DNMT1: variants seen among roughly 807,000 people sequenced by gnomAD.
The protein encoded by DNMT1 is DNA methyltransferase 1.
DNMT1 carries 24 observed loss-of-function variants against 205.3 expected under a neutral mutation model. The ratio of observed to expected loss-of-function variants is 0.12; its 90% CI spans 0.08 to 0.16. DNMT1 has a LOEUF of 0.16. Among genes scored for constraint, DNMT1 ranks in the 10% least tolerant of loss-of-function variants. The pLI is 1.00. For missense variants in DNMT1, 1,293 were observed against 2,177.7 expected, an observed-to-expected ratio of 0.59 and a Z score of 8.09; for synonymous variants, 817 against 839.8, an observed-to-expected ratio of 0.97 and a Z score of 0.47.
intron 39 of DNMT1, among the ~76,000 whole-genome samples, chr19:10,134,810 A>T (rs188076991): frequency 6.7e-6 from 1 of 149,074 alleles, no homozygotes; most frequent in East Asian, 2.0e-4. Flanking sequence ...GTGGGCAGAG[A>T]TCATGTCACT....
chr19:10,162,774 A>G, intron 12 of DNMT1, 26 bp from the exon 13 acceptor site: 1 of 1,612,506 alleles, frequency 6.2e-7, no homozygotes. Context: ...ATACACAGCA[A>G]GTAGCAGCTT....
At chr19:10,190,491 G>A (rs775246063) in intron 1 of DNMT1, among the ~76,000 whole-genome samples, 3 of 152,032 alleles carry the variant, frequency 2.0e-5, no homozygotes, top group Non-Finnish European at 2.9e-5. Context: ...GGCCAGGCAC[G>A]GTGGCTCATG....
intron 5 of DNMT1, 92 bp downstream of exon 5, chr19:10,180,095 C>A (rs2039015954): frequency 6.1e-6 from 3 of 494,390 alleles, no homozygotes; most frequent in Non-Finnish European, 1.1e-5. Flanking sequence ...AGGTGGATTA[C>A]TTGAGGTCAG....
intron 1 of DNMT1, 118 bp downstream of exon 1, chr19:10,194,702 C>T: frequency 2.9e-6 from 4 of 1,371,520 alleles, no homozygotes; most frequent in Non-Finnish European, 3.9e-6. Context: ...CGCCGCACCA[C>T]CCCACGCATG....
At chr19:10,165,149 T>C (rs2038661761) in intron 11 of DNMT1, among the ~76,000 whole-genome samples, 1 of 151,890 alleles carries the variant, frequency 6.6e-6, no homozygotes. Context: ...TGCCTGCCTA[T>C]AGTCCCAGCT....
At position 10,159,602 on chromosome 19, in the gene DNMT1, C is replaced by T; in HGVS notation, c.1280+56G>A. The T allele has an allele frequency of 1.3e-6, 2 of 1,564,158 alleles. No individual in the cohort carries two copies. Among genetic ancestry groups the T allele is most frequent in the South Asian group, 2.2e-5 (2 of 89,832 alleles). On this transcript the variant is annotated intron_variant, in intron 17 of 40. Coordinates refer to ENST00000359526, the MANE Select transcript of DNMT1 (RefSeq NM_001130823.3). The surrounding 1 kb of genome is among the most constrained non-coding windows in gnomAD (Gnocchi z 5.0). ...CACCAGAATCGTGAGCCCGCAGGCACCTCTGGGGATGTGCCTCCTTCCACG... is the reference window on the plus strand; with the variant it reads ...CACCAGAATCGTGAGCCCGCAGGCATCTCTGGGGATGTGCCTCCTTCCACG...
At chr19:10,141,241 T>A in intron 30 of DNMT1, 52 bp from the exon 31 acceptor site, 1 of 1,582,458 alleles carries the variant, frequency 6.3e-7, no homozygotes, top group Non-Finnish European at 8.7e-7. Context: ...CTGTCCCCTC[T>A]CTAACGCAGA....
At position 10,159,514 on chromosome 19, in the gene DNMT1, C is replaced by T. The variant is rs1179373388; in HGVS notation, c.1280+144G>A. ...ATGAGCCACCGCGCCCAGCCCTCCA[C>T]GGTGGCTCTTATCCACGAAGTGTTA... is the stretch of plus-strand genomic sequence containing the variant. On this transcript the variant is annotated intron_variant, in intron 17 of 40. Coordinates refer to ENST00000359526, the MANE Select transcript of DNMT1 (RefSeq NM_001130823.3). The surrounding 1 kb of genome is among the most constrained non-coding windows in gnomAD (Gnocchi z 5.0). 11 of 861,286 alleles carry T rather than the reference C, an allele frequency of 1.3e-5. No individual in the cohort carries two copies. Among genetic ancestry groups the T allele is most frequent in the African/African-American group, 3.3e-5 (2 of 60,098 alleles). The allele number at this position is 861,286 out of a possible 1,614,324, so 53.4% of individuals were successfully genotyped here.
rs2089512277 is a variant in DNMT1 at position 10,137,516 on chromosome 19, G to A, written c.4294-236C>T. The stretch of plus-strand genomic sequence containing the variant: ...CTGAGCCTTTAGGGTGGGGGAAGGG[G>A]AGTGGTGCCAGGGGATGGTGAAAGG... On this transcript the variant is annotated intron_variant, in intron 36 of 40. Transcript: ENST00000359526. The surrounding 1 kb of genome is among the most constrained non-coding windows in gnomAD (Gnocchi z 6.4). 4 of 640,310 alleles carry A rather than the reference G, an allele frequency of 6.2e-6. No individual in the cohort carries two copies. The South Asian group carries it at 7.7e-5, about 12-fold the overall frequency. 39.7% of individuals were successfully genotyped at this position (640,310 alleles called of 1,614,324 possible).
intron 30 of DNMT1, 137 bp downstream of exon 30, chr19:10,141,891 C>T: frequency 9.8e-7 from 1 of 1,023,842 alleles, no homozygotes; most frequent in Non-Finnish European, 1.4e-6. Flanking sequence ...TGCAGAACAG[C>T]TTCACGTCAG....
chr19:10,137,463 C>T lies in DNMT1; in HGVS notation c.4294-183G>A. On this transcript the variant is annotated intron_variant, in intron 36 of 40. Coordinates refer to ENST00000359526, the MANE Select transcript of DNMT1 (RefSeq NM_001130823.3). This position sits in a 1 kb window ranked among gnomAD's most constrained non-coding sequence, Gnocchi z 6.4. ...GCCACGGCAGGGACCTGAGGCAGCG[C>T]AGGTGTAGGAGAGCGTGGGAATCTA... The T allele has an allele frequency of 2.7e-6, 2 of 736,938 alleles. No individual in the cohort carries two copies. Among genetic ancestry groups the T allele is most frequent in the Non-Finnish European group, 4.4e-6 (2 of 449,752 alleles). The allele number at this position is 736,938 out of a possible 1,614,324, so 45.6% of individuals were successfully genotyped here. A position where few individuals can be genotyped will look rare whatever the true frequency, so the allele number is the denominator to read the frequency against.
rs116502459 is a variant in DNMT1, at chr19:10,159,917, G to A, written c.1095C>T (p.His365=). ...RAKTVMNSKT[H]PPKCIQCGQY... is the part of the protein sequence containing the mutation. The stretch of plus-strand genomic sequence containing the variant: ...GCCCGCACTGAATGCACTTGGGAGG[G>A]TGGGTCTGTGGGAGCAGGAACACAG... The change falls in exon 16 of 41, where the codon CAC becomes CAT. Residue 365 remains histidine (H), a synonymous_variant. Transcript: ENST00000359526. This position sits in a 1 kb window ranked among gnomAD's most constrained non-coding sequence, Gnocchi z 5.0. 1,884 of 1,614,212 alleles carry A rather than the reference G, an allele frequency of 1.2e-3. 18 individuals are homozygous for A. In the African/African-American group the frequency reaches 0.023, roughly 19 times the overall value.
Position 10,176,167 on chromosome 19 carries a change from C to CAA in DNMT1, c.570-551_570-550dup, listed in dbSNP as rs34858632. Among the ~76,000 whole-genome samples the CAA allele has an allele frequency of 1.4e-3, 185 of 134,578 alleles. 1 individual carries two copies. Among genetic ancestry groups the CAA allele is most frequent in the East Asian group, 0.011 (52 of 4,526 alleles). 88.3% of individuals were successfully genotyped at this position (134,578 alleles called of 152,430 possible). A position where few individuals can be genotyped will look rare whatever the true frequency, so the allele number is the denominator to read the frequency against. On this transcript the variant is annotated intron_variant, in intron 6 of 40. Coordinates refer to ENST00000359526, the MANE Select transcript of DNMT1 (RefSeq NM_001130823.3). Reference sequence around the variant, plus strand: ...TGGGCTACAGAGCAAGACTCCGTATCAAAAAAAAAAAAAAGTCAGTCTCAA... The same window carrying CAA: ...TGGGCTACAGAGCAAGACTCCGTATCAAAAAAAAAAAAAAAAGTCAGTCTCAA...
chr19:10,174,256 A>G (rs2038887444), intron 7 of DNMT1, among the ~76,000 whole-genome samples: 1 of 152,022 alleles, frequency 6.6e-6, no homozygotes, highest in South Asian at 2.1e-4. Context: ...CCTCATCTCT[A>G]CAAAAAATAC....
chr19:10,136,260 C>T lies in DNMT1; in HGVS notation c.4517G>A (p.Arg1506Lys). The T allele has an allele frequency of 6.2e-7, 1 of 1,614,134 alleles. No homozygotes were observed. Among genetic ancestry groups the T allele is most frequent in the Non-Finnish European group, 8.5e-7 (1 of 1,180,036 alleles). ...EAGKACDPAA[R>K]QFNTLIPWCL... The stretch of plus-strand genomic sequence containing the variant: ...CCAGGGGATGAGGGTGTTGAACTGC[C>T]TGGCTGCGGGGTCGCAGGCTTTGCC... Residue 1506 changes from arginine (R) to lysine (K), a missense_variant, in exon 38 of 41, where the codon AGG becomes AAG. Arg to Lys is a conservative substitution (Grantham distance 26). Transcript: ENST00000359526.
In DNMT1 at chr19:10,137,647, C is replaced by T. The variant is rs577336396; in HGVS notation, c.4293+185G>A. ...CCATTCCAGACCAAGTCCAGGACTG[C>T]GGGAGCTCTGACACTTCCCATGACC... On this transcript the variant is annotated intron_variant, in intron 36 of 40. Coordinates refer to ENST00000359526, the MANE Select transcript of DNMT1 (RefSeq NM_001130823.3). This position sits in a 1 kb window ranked among gnomAD's most constrained non-coding sequence, Gnocchi z 6.4. The T allele has an allele frequency of 1.2e-5, 10 of 850,412 alleles. No homozygotes were observed. The highest frequency in any genetic ancestry group is 3.3e-5 in the African/African-American group (2 of 59,940). 52.7% of individuals were successfully genotyped at this position (850,412 alleles called of 1,614,324 possible). A position where few individuals can be genotyped will look rare whatever the true frequency, so the allele number is the denominator to read the frequency against.
intron 5 of DNMT1, among the ~76,000 whole-genome samples, chr19:10,178,914 C>T (rs2038986798): frequency 6.6e-6 from 1 of 151,608 alleles, no homozygotes; most frequent in African/African-American, 2.4e-5. Flanking sequence ...ATCATGAGGT[C>T]AGGAGATCGA....
intron 39 of DNMT1, chr19:10,135,472 C>G (rs376506195): frequency 4.5e-5 from 23 of 516,500 alleles, no homozygotes; most frequent in Middle Eastern, 5.3e-4. Context: ...GGGTTTTAGC[C>G]TGCTCCTTTA....
At chr19:10,173,552 A>C (rs1226500976) in intron 8 of DNMT1, among the ~76,000 whole-genome samples, 2 of 149,286 alleles carry the variant, frequency 1.3e-5, no homozygotes, top group African/African-American at 2.5e-5. Flanking sequence ...AGTGCAGTGG[A>C]ATGATCTCAG....
Sources: gnomAD v4.1 joint callset for allele counts (sites outside exome capture counted in the v4.1 genomes callset) on GRCh38, gnomAD v4.1.1 for gene constraint, Gnocchi (gnomAD v3.1) non-coding constraint, MANE v1.5 for transcripts, NCBI Gene and HGNC (gene_info 2026-07-23, HGNC 2026-07-21) for gene names.